The following CNTN3 variants were observed in gnomAD, a reference collection of about 807,000 sequenced individuals.
The protein encoded by CNTN3 is contactin 3.
A neutral mutation model predicts 119.1 loss-of-function variants in CNTN3; 60 were observed. The observed-to-expected ratio is 0.50, with a 90% CI of 0.41 to 0.62. CNTN3 has a LOEUF of 0.62. Ranked by LOEUF, CNTN3 falls within the 20% of genes least tolerant of loss-of-function variation. The probability of loss-of-function intolerance (pLI) is 0.00; values close to 1 mark genes in which losing one functional copy is unlikely to be tolerated. For missense variants in CNTN3, 1,101 were observed against 1,242.4 expected, an observed-to-expected ratio of 0.89 and a Z score of 1.71; for synonymous variants, 450 against 438.7, an observed-to-expected ratio of 1.03 and a Z score of -0.32.
intron 11 of CNTN3, among the ~76,000 whole-genome samples, chr3:74,354,667 C>G (rs1703895782): frequency 6.6e-6 from 1 of 151,826 alleles, no homozygotes; most frequent in African/African-American, 2.4e-5. Flanking sequence ...AGAAAAAAAG[C>G]ACAATAACTT....
At chr3:74,454,014 A>C in intron 4 of CNTN3, among the ~76,000 whole-genome samples, 1 of 147,848 alleles carries the variant, frequency 6.8e-6, no homozygotes. Context: ...AGTTCTGTAG[A>C]TGTCTATTAG....
At chr3:74,404,779 C>T (rs931112349) in intron 5 of CNTN3, among the ~76,000 whole-genome samples, 2 of 149,316 alleles carry the variant, frequency 1.3e-5, no homozygotes, top group Non-Finnish European at 2.9e-5. Flanking sequence ...CTGCTGAATA[C>T]TAAAGCAGTT....
intron 13 of CNTN3, among the ~76,000 whole-genome samples, chr3:74,308,431 T>A (rs1702608322): frequency 1.3e-5 from 2 of 152,308 alleles, no homozygotes; most frequent in Middle Eastern, 3.4e-3. Context: ...GAATAATTGC[T>A]CCATTACAGG....
At chr3:74,326,782 T>A (rs1022149871) in intron 13 of CNTN3, among the ~76,000 whole-genome samples, 3 of 152,174 alleles carry the variant, frequency 2.0e-5, no homozygotes, top group Non-Finnish European at 4.4e-5. Context: ...TTTCCTTATT[T>A]TCATAGTCAC....
intron 20 of CNTN3, among the ~76,000 whole-genome samples, chr3:74,284,287 ATAAAAAT>A (rs1211563432): frequency 1.3e-5 from 2 of 152,208 alleles, no homozygotes; most frequent in African/African-American, 4.8e-5. Flanking sequence ...GCAACCAAGC[ATAAAAAT>A]TGTCTCATTC....
intron 4 of CNTN3, among the ~76,000 whole-genome samples, chr3:74,442,389 TA>T (rs1286644716): frequency 6.6e-6 from 1 of 152,114 alleles, no homozygotes; most frequent in Non-Finnish European, 1.5e-5. Context: ...TCCTCATTTT[TA>T]TCGAATAATA....
chr3:74,557,287 T>C lies in CNTN3; in HGVS notation c.-80-36095A>G, dbSNP rs555967621. ...GTTTTAGCTGTTGGAGTTCTACCTATAATCCATTTTGAAATAATTTGGTAA... is the reference window on the plus strand; with the variant it reads ...GTTTTAGCTGTTGGAGTTCTACCTACAATCCATTTTGAAATAATTTGGTAA... On this transcript the variant is annotated intron_variant, in intron 1 of 22. Transcript: ENST00000263665. Among the ~76,000 whole-genome samples the C allele has an allele frequency of 1.3e-4, 20 of 152,324 alleles. No individual in the cohort carries two copies. In the South Asian group the frequency reaches 3.1e-3, roughly 24 times the overall value.
rs1702089257 is a variant in CNTN3, at chr3:74,285,311, T to C, written c.2698A>G (p.Lys900Glu). Residue 900 changes from lysine (K) to glutamate (E), a missense_variant, in exon 20 of 23, where the codon AAA becomes GAA. Coordinates refer to ENST00000263665, the MANE Select transcript of CNTN3 (RefSeq NM_020872.3). ...GAAATCAGAATATACTTACGCGTTTTCTTGGTGGTTACATTAACTGTGGCG... is the reference window on the plus strand; with the variant it reads ...GAAATCAGAATATACTTACGCGTTTCCTTGGTGGTTACATTAACTGTGGCG... ...FSATVNVTTK[K>E]TPPSQPPGNV... The C allele has an allele frequency of 6.2e-7, 1 of 1,602,704 alleles. No individual in the cohort carries two copies. The highest frequency in any genetic ancestry group is 1.4e-5 in the African/African-American group (1 of 73,824).
intron 4 of CNTN3, among the ~76,000 whole-genome samples, chr3:74,478,982 G>T (rs2107022219): frequency 6.6e-6 from 1 of 152,032 alleles, no homozygotes; most frequent in African/African-American, 2.4e-5. Context: ...TATTATGATA[G>T]GTATTAAAAA....
intron 13 of CNTN3, among the ~76,000 whole-genome samples, chr3:74,309,722 G>C (rs929709827): frequency 5.3e-5 from 8 of 152,108 alleles, no homozygotes; most frequent in African/African-American, 9.7e-5. Flanking sequence ...GGTATAAAAG[G>C]CTTCAGATAA....
At chr3:74,312,481 A>AAAG (rs1702714893) in intron 13 of CNTN3, among the ~76,000 whole-genome samples, 3 of 149,568 alleles carry the variant, frequency 2.0e-5, no homozygotes, top group Non-Finnish European at 4.4e-5. Context: ...AAAAAAAAAA[A>AAAG]TGCTCTGCCC....
intron 4 of CNTN3, among the ~76,000 whole-genome samples, chr3:74,481,733 C>T (rs897957590): frequency 6.6e-6 from 1 of 150,930 alleles, no homozygotes; most frequent in Non-Finnish European, 1.5e-5. Flanking sequence ...TTTGGAAGAA[C>T]AATAAAGATA....
chr3:74,601,541 C>G (rs1489159269), intron 1 of CNTN3, among the ~76,000 whole-genome samples: 1 of 152,100 alleles, frequency 6.6e-6, no homozygotes, highest in Non-Finnish European at 1.5e-5. Flanking sequence ...TGACAGTTTA[C>G]ATTTCCTGTT....
chr3:74,408,192 C>T (rs1701368462), intron 5 of CNTN3, among the ~76,000 whole-genome samples: 1 of 152,048 alleles, frequency 6.6e-6, no homozygotes. Context: ...ATTAATTTCC[C>T]ACTGGTCTTG....
chr3:74,560,075 C>T (rs930847261), intron 1 of CNTN3, among the ~76,000 whole-genome samples: 4 of 152,176 alleles, frequency 2.6e-5, no homozygotes, highest in African/African-American at 4.8e-5. Context: ...TGTCAATATA[C>T]GGTATCAGTC....
chr3:74,516,164 T>C (rs1292081376), intron 2 of CNTN3, among the ~76,000 whole-genome samples: 1 of 152,000 alleles, frequency 6.6e-6, no homozygotes, highest in Non-Finnish European at 1.5e-5. Context: ...AACAAGTACC[T>C]GAAATGCTCT....
chr3:74,452,914 T>C lies in CNTN3; in HGVS notation c.359-27974A>G, dbSNP rs1052259885. 2.1e-4 allele frequency among the ~76,000 whole-genome samples: 32 copies of C among 151,476 alleles called. 1 individual carries two copies. The highest frequency in any genetic ancestry group is 1.8e-3 in the Admixed American group (27 of 15,194). On this transcript the variant is annotated intron_variant, in intron 4 of 22. Transcript: ENST00000263665. ...TTTTTGATGTGCTGCTGGATTCGGT[T>C]TGCCAGTATTTTATTGAGGATTTTT...
At position 74,371,339 on chromosome 3, in the gene CNTN3, C is replaced by G; in HGVS notation, c.515G>C (p.Arg172Thr). The G allele has an allele frequency of 1.2e-6, 2 of 1,613,524 alleles. No individual in the cohort carries two copies. Residue 172 changes from arginine (R) to threonine (T), a missense_variant, in exon 6 of 23, where the codon AGA becomes ACA. By Grantham distance (71) the Arg-to-Thr change is moderately conservative (BLOSUM62 -1). Coordinates refer to ENST00000263665, the MANE Select transcript of CNTN3 (RefSeq NM_020872.3). ...YPSFVEEDSR[R>T]FVSQETGHLY... The stretch of plus-strand genomic sequence containing the variant: ...GTGCCCTGTCTCCTGGGAGACAAAT[C>G]TCCGACTATCTTCTTCAACAAACGA...
intron 1 of CNTN3, among the ~76,000 whole-genome samples, chr3:74,610,771 G>A (rs566243418): frequency 5.3e-5 from 8 of 152,228 alleles, no homozygotes; most frequent in Non-Finnish European, 1.2e-4. Flanking sequence ...GGAGAAGGAG[G>A]ACGTGGGTGA....
Sources: gnomAD v4.1 joint callset for allele counts (sites outside exome capture counted in the v4.1 genomes callset) on GRCh38, gnomAD v4.1.1 for gene constraint, MANE v1.5 for transcripts, NCBI Gene and HGNC (gene_info 2026-07-23, HGNC 2026-07-21) for gene names.